Variants in DESI1 observed in about 807,000 individuals in gnomAD.
DESI1 encodes the protein desumoylating isopeptidase 1, also known as PPPDE peptidase domain containing 2.
In DESI1, 17 loss-of-function variants were observed where a neutral mutation model predicts 22.4. The observed-to-expected ratio is 0.76, with a 90% confidence interval of 0.52 to 1.14. The LOEUF is 1.14. Among genes scored for constraint, DESI1 ranks in the 50% most tolerant of loss-of-function variants. The pLI, the probability that DESI1 is intolerant of heterozygous loss-of-function variation, is 0.00. For missense variants in DESI1, 177 were observed against 208.9 expected (o/e 0.85, Z 0.94); for synonymous variants, 92 against 84.2 (o/e 1.09, Z -0.51).
At chr22:41,605,236 G>A (rs939042883) in intron 3 of DESI1, among the ~76,000 whole-genome samples, 14 of 152,166 alleles carry the variant, frequency 9.2e-5, no homozygotes, top group African/African-American at 3.1e-4. Context: ...AGTTCTTTTT[G>A]GATCTGTGAG....
At position 41,603,308 on chromosome 22, in the gene DESI1, G is replaced by A. The variant is rs770564442; in HGVS notation, c.364C>T (p.Arg122Trp). 6 of 1,614,200 alleles carry A rather than the reference G, an allele frequency of 3.7e-6. No individual in the cohort carries two copies. The highest frequency in any genetic ancestry group is 5.1e-6 in the Non-Finnish European group (6 of 1,180,038). The change falls in exon 5 of 6, where the codon CGG (arginine) becomes TGG (tryptophan). Residue 122 changes from arginine (R) to tryptophan (W), a missense_variant. Coordinates refer to ENST00000263256, the MANE Select transcript of DESI1 (RefSeq NM_015704.3). ...SNEVAQFLTG[R>W]KIPSYITDLP... ...TCTGTGATGTAAGAAGGAATCTTCCGCCCAGTCAGGAACTGTGCCACTTCG... is the reference window on the plus strand; with the variant it reads ...TCTGTGATGTAAGAAGGAATCTTCCACCCAGTCAGGAACTGTGCCACTTCG...
Position 41,621,039 on chromosome 22 carries a change from G to T in DESI1, c.-200C>A. On this transcript the variant is annotated 5_prime_UTR_variant, in exon 1 of 6. It adds an upstream start codon to the 5' untranslated region. Coordinates refer to ENST00000263256, the MANE Select transcript of DESI1 (RefSeq NM_015704.3). ...CGGCAACGACTACTGTGAGGTGACA[G>T]AGAGGGGACAGGGAGGGCCCACACG... 1.7e-6 allele frequency: 1 copy of T among 597,676 alleles called. No homozygotes were observed. The highest frequency in any genetic ancestry group is 2.9e-6 in the Non-Finnish European group (1 of 343,516). 37.0% of individuals were successfully genotyped at this position (597,676 alleles called of 1,614,324 possible). A position where few individuals can be genotyped will look rare whatever the true frequency, so the allele number is the denominator to read the frequency against.
At chr22:41,612,514 G>GAA (rs132766) in intron 1 of DESI1, among the ~76,000 whole-genome samples, 168 of 134,326 alleles carry the variant, frequency 1.3e-3, no homozygotes, top group East Asian at 1.7e-3. Context: ...CTCAAAAAAA[G>GAA]AAAAAAAAAA....
chr22:41,613,483 C>G (rs1169118375), intron 1 of DESI1, among the ~76,000 whole-genome samples: 1 of 152,232 alleles, frequency 6.6e-6, no homozygotes, highest in Admixed American at 6.5e-5. Context: ...AGTTAGACTA[C>G]AGTTGCCTCA....
intron 2 of DESI1, 141 bp downstream of exon 2, chr22:41,607,699 G>A: frequency 1.0e-6 from 1 of 992,382 alleles, no homozygotes; most frequent in African/African-American, 1.6e-5. Flanking sequence ...AAGAACTGAT[G>A]AGAAGCACTG....
At chr22:41,616,315 A>G (rs903893213) in intron 1 of DESI1, among the ~76,000 whole-genome samples, 1 of 152,220 alleles carries the variant, frequency 6.6e-6, no homozygotes, top group East Asian at 1.9e-4. Context: ...GTACTACAAA[A>G]TGAAGTAAAG....
intron 1 of DESI1, among the ~76,000 whole-genome samples, chr22:41,619,100 A>G (rs1315291467): frequency 3.3e-5 from 5 of 151,938 alleles, no homozygotes; most frequent in Non-Finnish European, 1.5e-5. Context: ...CACTTGACTG[A>G]TGTAATCTAT....
Position 41,599,331 on chromosome 22 carries a change from T to C in DESI1, c.*1766A>G, listed in dbSNP as rs8139993. The C allele has an allele frequency of 0.31, 46,894 of 152,032 alleles. 8,887 individuals carry two copies. Among genetic ancestry groups the C allele is most frequent in the African/African-American group, 0.48 (20,029 of 41,412 alleles). The allele number at this position is 152,032 out of a possible 1,614,324, so 9.4% of individuals were successfully genotyped here. Reference sequence around the variant, plus strand: ...CCAAAATCTAACTAATGGAGGTTCATGTGAAGAGAGGGAATCTGAAAGTCT... The same window carrying C: ...CCAAAATCTAACTAATGGAGGTTCACGTGAAGAGAGGGAATCTGAAAGTCT... On this transcript the variant is annotated 3_prime_UTR_variant, in exon 6 of 6. Transcript: ENST00000263256.
chr22:41,620,657 C>T, intron 1 of DESI1, 95 bp downstream of exon 1: 1 of 1,253,164 alleles, frequency 8.0e-7, no homozygotes, highest in Non-Finnish European at 1.1e-6. Flanking sequence ...CATGTGTCTC[C>T]CCGTGAGTCG....
intron 1 of DESI1, among the ~76,000 whole-genome samples, chr22:41,613,267 TA>T (rs375340646): frequency 4.6e-5 from 7 of 151,788 alleles, no homozygotes; most frequent in African/African-American, 1.7e-4. Flanking sequence ...TCCTATTCTG[TA>T]AAAAAAAGCA....
chr22:41,604,250 C>CTTTT (rs1264626626), intron 3 of DESI1, 97 bp from the exon 4 acceptor site: 7 of 283,864 alleles, frequency 2.5e-5, no homozygotes, highest in South Asian at 5.2e-5. Flanking sequence ...TCTGTTCTGA[C>CTTTT]TTTTTTTTTT....
At chr22:41,606,543 G>A (rs576055056) in intron 3 of DESI1, among the ~76,000 whole-genome samples, 1 of 152,116 alleles carries the variant, frequency 6.6e-6, no homozygotes, top group African/African-American at 2.4e-5. Context: ...GGAGGCCGAG[G>A]TGGGCTAATC....
chr22:41,604,043 C>G lies in DESI1; in HGVS notation c.290+1G>C. The stretch of plus-strand genomic sequence containing the variant: ...TAACCACCACCCCTGTCTCCACTCA[C>G]CGGAACAGGGACTCCCCCAGGGAGG... On this transcript the variant is annotated splice_donor_variant, in intron 4 of 5. Coordinates refer to ENST00000263256, the MANE Select transcript of DESI1 (RefSeq NM_015704.3). LOFTEE classifies it high-confidence loss of function. 1 of 1,612,398 alleles carries G rather than the reference C, an allele frequency of 6.2e-7. No homozygotes were observed. Among genetic ancestry groups the G allele is most frequent in the Non-Finnish European group, 8.5e-7 (1 of 1,179,184 alleles).
chr22:41,612,258 G>A (rs899730846), intron 1 of DESI1, among the ~76,000 whole-genome samples: 55 of 151,922 alleles, frequency 3.6e-4, no homozygotes, highest in African/African-American at 9.2e-4. Context: ...CCTGTAATCC[G>A]AGCGCTTTGG....
Position 41,599,644 on chromosome 22 carries a change from C to CG in DESI1, c.*1452_*1453insC, listed in dbSNP as rs2067438623. 1 of 152,136 alleles carries CG rather than the reference C, an allele frequency of 6.6e-6. No homozygotes were observed. The highest frequency in any genetic ancestry group is 1.5e-5 in the Non-Finnish European group (1 of 68,078). 9.4% of individuals were successfully genotyped at this position (152,136 alleles called of 1,614,324 possible). A position where few individuals can be genotyped will look rare whatever the true frequency, so the allele number is the denominator to read the frequency against. The stretch of plus-strand genomic sequence containing the variant: ...GTACGATCTCGGCTCATCGCAATCT[C>CG]TGCCTCCCGGGTTCAAGCGATTCTC... On this transcript the variant is annotated 3_prime_UTR_variant, in exon 6 of 6. Transcript: ENST00000263256.
chr22:41,603,374 CCT>C lies in DESI1; in HGVS notation c.296_297del (p.Glu99GlyfsTer6). The C allele has an allele frequency of 6.2e-7, 1 of 1,614,192 alleles. No individual in the cohort carries two copies. The highest frequency in any genetic ancestry group is 1.1e-5 in the South Asian group (1 of 91,084). On this transcript the variant is annotated frameshift_variant, in exon 5 of 6. Transcript: ENST00000263256. LOFTEE classifies it high-confidence loss of function. ...CAATTGTGTTCAAAGAGGTTGTAGG[CCT>C]CACCTCTGTACATTGAAAGGTTTGC... is the stretch of plus-strand genomic sequence containing the variant. ...SSLGESLFRGEAYNLFEHNCN... is the reference protein window; with the variant it reads ...SSLGESLFRGXAYNLFEHNCN...
intron 1 of DESI1, among the ~76,000 whole-genome samples, chr22:41,615,195 C>T (rs1489207209): frequency 3.4e-4 from 50 of 145,752 alleles, no homozygotes; most frequent in African/African-American, 9.9e-4. Context: ...TTCGGGAGGC[C>T]GAGGCGGGAG....
chr22:41,615,433 AAG>A (rs1487225860), intron 1 of DESI1, among the ~76,000 whole-genome samples: 1 of 152,052 alleles, frequency 6.6e-6, no homozygotes, highest in Non-Finnish European at 1.5e-5. Flanking sequence ...CAAAAAAAAA[AAG>A]AAAATTTAAA....
At chr22:41,611,784 G>T (rs761389491) in intron 1 of DESI1, among the ~76,000 whole-genome samples, 38 of 151,718 alleles carry the variant, frequency 2.5e-4, no homozygotes, top group Non-Finnish European at 3.8e-4. Context: ...GTAGATATGG[G>T]GTTTCACCAT....
Sources: allele counts gnomAD v4.1 joint callset (sites outside exome capture counted in the v4.1 genomes callset), GRCh38; gene constraint gnomAD v4.1.1; transcripts MANE v1.5; gene names NCBI Gene and HGNC (gene_info 2026-07-23, HGNC 2026-07-21).